Variants in MOK observed in about 807,000 individuals in gnomAD.
MOK encodes the protein MOK protein kinase, also known as MAPK/MAK/MRK overlapping kinase.
Under a neutral mutation model 54.2 loss-of-function variants are expected in MOK, and 59 were observed. That is an observed-to-expected ratio of 1.09 (90% CI 0.88 to 1.35). The LOEUF (loss-of-function observed/expected upper bound fraction) is 1.35, where lower values mean the gene tolerates loss of function less well. Ranked by LOEUF, MOK falls within the 40% of genes most tolerant of loss-of-function variation. The pLI, the probability that MOK is intolerant of heterozygous loss-of-function variation, is 0.00. For missense variants in MOK, 517 were observed against 526.2 expected (o/e 0.98, Z 0.17); for synonymous variants, 210 against 202.7 (o/e 1.04, Z -0.31).
At chr14:102,221,582 T>C (rs2153069838), downstream of MOK, among the ~76,000 whole-genome samples, 1 of 152,294 alleles carries the variant, frequency 6.6e-6, no homozygotes, top group Middle Eastern at 3.4e-3. The surrounding 1 kb of genome is among the most constrained non-coding windows in gnomAD (Gnocchi z 4.8). Context: ...AGCACTCCTA[T>C]AGACTCTGAG....
chr14:102,222,218 G>A (rs528843280), downstream of MOK, among the ~76,000 whole-genome samples: 49 of 152,042 alleles, frequency 3.2e-4, no homozygotes, highest in Non-Finnish European at 6.2e-4. The surrounding 1 kb of genome is among the most constrained non-coding windows in gnomAD (Gnocchi z 4.4). Flanking sequence ...GCAGCCTCAC[G>A]GCAAGACTAC....
chr14:102,287,547 A>T (rs1370552305), intron 1 of MOK, among the ~76,000 whole-genome samples: 1 of 152,226 alleles, frequency 6.6e-6, no homozygotes, highest in African/African-American at 2.4e-5. Flanking sequence ...AAGACAATCC[A>T]ACTAAAAGGT....
At chr14:102,268,681 C>T (rs1011286829) in intron 2 of MOK, among the ~76,000 whole-genome samples, 22 of 151,926 alleles carry the variant, frequency 1.4e-4, no homozygotes, top group Non-Finnish European at 8.8e-5. Context: ...TTTGGGAGGC[C>T]GAGGCGGGTG....
chr14:102,237,534 C>T (rs1406033199), intron 7 of MOK, among the ~76,000 whole-genome samples: 1 of 152,166 alleles, frequency 6.6e-6, no homozygotes, highest in Non-Finnish European at 1.5e-5. Flanking sequence ...TCCTAGCTCA[C>T]CCACTCTATG....
intron 7 of MOK, among the ~76,000 whole-genome samples, chr14:102,242,177 TA>T (rs1433528680): frequency 6.6e-6 from 1 of 152,080 alleles, no homozygotes; most frequent in African/African-American, 2.4e-5. Context: ...CAGTGGAGGG[TA>T]AGTCCATCCC....
intron 7 of MOK, among the ~76,000 whole-genome samples, chr14:102,244,780 C>T (rs959603158): frequency 1.3e-5 from 2 of 152,172 alleles, no homozygotes; most frequent in Admixed American, 1.3e-4. Context: ...CACCTCTATA[C>T]GGTCCAATAA....
intron 4 of MOK, 98 bp downstream of exon 4, chr14:102,263,448 G>T: frequency 1.2e-6 from 1 of 862,134 alleles, no homozygotes; most frequent in Non-Finnish European, 1.8e-6. Context: ...TATAACTACA[G>T]CACTATGGTG....
rs188804465 is a variant in MOK at position 102,282,396 on chromosome 14, T to C, written c.122+1082A>G. On this transcript the variant is annotated intron_variant, in intron 2 of 11. Transcript: ENST00000361847. ...ATTAATTTATTCACAGTTAGTTAAA[T>C]TGCAAGGACCTCTAATACATTTAGA... Among the ~76,000 whole-genome samples, 5 of 152,168 alleles carry C rather than the reference T, an allele frequency of 3.3e-5. No homozygotes were observed. The East Asian group carries it at 9.6e-4, about 29-fold the overall frequency.
intron 3 of MOK, 196 bp from the exon 4 acceptor site, chr14:102,263,812 C>G: frequency 2.4e-6 from 1 of 422,144 alleles, no homozygotes; most frequent in South Asian, 4.9e-5. Context: ...AAAATACTAG[C>G]AAAACCCAAC....
At chr14:102,283,770 C>T (rs2069727081) in intron 1 of MOK, among the ~76,000 whole-genome samples, 178 bp from the exon 2 acceptor site, 1 of 152,154 alleles carries the variant, frequency 6.6e-6, no homozygotes, top group Admixed American at 6.6e-5. Context: ...TGGAACAAAG[C>T]ATCATTTCCT....
At chr14:102,297,382 T>C (rs572585842) in intron 1 of MOK, among the ~76,000 whole-genome samples, 17 of 144,944 alleles carry the variant, frequency 1.2e-4, no homozygotes, top group Non-Finnish European at 2.3e-4. Flanking sequence ...CAATAACAAA[T>C]AAATAAACAA....
chr14:102,227,347 TC>T (rs1169415627), downstream of MOK, among the ~76,000 whole-genome samples: 1 of 115,180 alleles, frequency 8.7e-6, no homozygotes, highest in African/African-American at 3.4e-5. Flanking sequence ...TACAGCCATC[TC>T]CCCAGCCTTC....
Position 102,263,192 on chromosome 14 carries a change from A to G in MOK, c.283+354T>C, listed in dbSNP as rs1306124720. ...GAGGCATGGAACAGAATGTCGAGCA[A>G]CAGCAGATCTGGGGAGCAGAGAGGC... On this transcript the variant is annotated intron_variant, in intron 4 of 11. Transcript: ENST00000361847. Among the ~76,000 whole-genome samples the G allele has an allele frequency of 2.6e-5, 4 of 152,258 alleles. No homozygotes were observed. In the South Asian group the frequency reaches 8.3e-4, roughly 31 times the overall value.
intron 1 of MOK, among the ~76,000 whole-genome samples, chr14:102,297,799 G>T (rs2071613316): frequency 1.3e-5 from 2 of 152,200 alleles, no homozygotes; most frequent in African/African-American, 2.4e-5. Flanking sequence ...GGTGCTGCTG[G>T]CCCCGGGCAG....
chr14:102,284,220 G>A (rs930387085), intron 1 of MOK, among the ~76,000 whole-genome samples: 2 of 151,904 alleles, frequency 1.3e-5, no homozygotes, highest in Non-Finnish European at 2.9e-5. Flanking sequence ...CAACAAATGA[G>A]CACCTTGATG....
At chr14:102,270,867 CACTT>C (rs978177730) in intron 2 of MOK, among the ~76,000 whole-genome samples, 170 of 152,198 alleles carry the variant, frequency 1.1e-3, no homozygotes, top group African/African-American at 3.7e-3. Context: ...TCCTGAAACT[CACTT>C]ACAATAGCTG....
At chr14:102,242,372 G>C (rs1258263996) in intron 7 of MOK, among the ~76,000 whole-genome samples, 1 of 152,060 alleles carries the variant, frequency 6.6e-6, no homozygotes, top group Non-Finnish European at 1.5e-5. Context: ...TCCCTTATTA[G>C]GTGGAGACAT....
At chr14:102,258,894 G>A (rs1265897676) in intron 4 of MOK, among the ~76,000 whole-genome samples, 2 of 151,988 alleles carry the variant, frequency 1.3e-5, no homozygotes, top group African/African-American at 2.4e-5. Context: ...GTGAAACCCC[G>A]TCTCTACTAA....
At chr14:102,258,022 T>G (rs2067111611) in intron 4 of MOK, among the ~76,000 whole-genome samples, 1 of 152,152 alleles carries the variant, frequency 6.6e-6, no homozygotes, top group Non-Finnish European at 1.5e-5. Flanking sequence ...TTATAGCAAT[T>G]TGACATGCTG....
Sources: gnomAD v4.1 joint callset for allele counts (sites outside exome capture counted in the v4.1 genomes callset) on GRCh38, gnomAD v4.1.1 for gene constraint, Gnocchi (gnomAD v3.1) non-coding constraint, MANE v1.5 for transcripts, NCBI Gene and HGNC (gene_info 2026-07-23, HGNC 2026-07-21) for gene names.